The following ZCRB1 variants were observed in gnomAD, a reference collection of about 807,000 sequenced individuals.
ZCRB1 encodes the protein zinc finger CCHC-type and RNA binding motif containing 1.
A neutral mutation model predicts 29.9 loss-of-function variants in ZCRB1; 21 were observed. The observed-to-expected ratio is 0.70, with a 90% CI of 0.50 to 1.01. The LOEUF (loss-of-function observed/expected upper bound fraction) is 1.01. Ranked by LOEUF, ZCRB1 falls within the 50% of genes least tolerant of loss-of-function variation. ZCRB1 has a pLI of 0.00. For missense variants in ZCRB1, 204 were observed against 253.3 expected, an observed-to-expected ratio of 0.81 and a Z score of 1.32; for synonymous variants, 77 against 80.0, an observed-to-expected ratio of 0.96 and a Z score of 0.20.
In ZCRB1 at chr12:42,317,786, C is replaced by A; in HGVS notation, c.225+1G>T. 1 of 1,611,468 alleles carries A rather than the reference C, an allele frequency of 6.2e-7. No homozygotes were observed. The highest frequency in any genetic ancestry group is 8.5e-7 in the Non-Finnish European group (1 of 1,179,252). ...AACCTTGATGGAGATGAATAGCTTA[C>A]CTGTTTGTTGTTTATTGCCCTGGTA... On this transcript the variant is annotated splice_donor_variant, in intron 4 of 7. Transcript: ENST00000266529. LOFTEE classifies it high-confidence loss of function.
At position 42,322,522 on chromosome 12, in the gene ZCRB1, C is replaced by G; in HGVS notation, c.85-76G>C. On this transcript the variant is annotated intron_variant, in intron 2 of 7. Transcript: ENST00000266529. ...CAAATTTTTAGGTTGCAGACATTGA[C>G]CAAATTCTTTGTTACAGTTTATGAA... The G allele has an allele frequency of 3.8e-6, 5 of 1,332,720 alleles. No individual in the cohort carries two copies. The South Asian group carries it at 7.4e-5, about 20-fold the overall frequency. The allele number at this position is 1,332,720 out of a possible 1,614,324, so 82.6% of individuals were successfully genotyped here.
At chr12:42,319,865 T>C (rs1023820263) in intron 3 of ZCRB1, among the ~76,000 whole-genome samples, 1 of 152,188 alleles carries the variant, frequency 6.6e-6, no homozygotes, top group Non-Finnish European at 1.5e-5. Context: ...AAGAGTACAT[T>C]GTGTGTGTTC....
rs750402117 is a variant in ZCRB1 at position 42,317,414 on chromosome 12, T to C, written c.259A>G (p.Ile87Val). The change falls in exon 5 of 8, where the codon ATT (isoleucine) becomes GTT (valine). Residue 87 changes from isoleucine (I) to valine (V), a missense_variant. Coordinates refer to ENST00000266529, the MANE Select transcript of ZCRB1 (RefSeq NM_033114.4). ...FGRVIKASIAIDNGRAAEFIR... is the reference protein window; with the variant it reads ...FGRVIKASIAVDNGRAAEFIR... ...AACTCAGCTGCTCTTCCATTGTCAA[T>C]AGCAATGCTTGCTTTTATCACTCTA... 11 of 1,612,290 alleles carry C rather than the reference T, an allele frequency of 6.8e-6. No homozygotes were observed. The highest frequency in any genetic ancestry group is 2.2e-5 in the South Asian group (2 of 90,670).
intron 4 of ZCRB1, 148 bp downstream of exon 4, chr12:42,317,639 T>G (rs2068601133): frequency 1.3e-6 from 1 of 785,904 alleles, no homozygotes; most frequent in Non-Finnish European, 2.0e-6. Flanking sequence ...AACCCAGTAG[T>G]TTGACCTCTT....
chr12:42,320,353 G>A (rs1203254490), intron 3 of ZCRB1, among the ~76,000 whole-genome samples: 1 of 152,054 alleles, frequency 6.6e-6, no homozygotes, highest in Non-Finnish European at 1.5e-5. Flanking sequence ...TCTCAAATCT[G>A]ACCAGTCTCT....
chr12:42,315,928 G>C (rs2137528736), intron 5 of ZCRB1, among the ~76,000 whole-genome samples: 1 of 152,126 alleles, frequency 6.6e-6, no homozygotes, highest in African/African-American at 2.4e-5. Context: ...TGTTTATTTA[G>C]TTATCTTTTT....
At position 42,312,273 on chromosome 12, in the gene ZCRB1, C is replaced by T. The variant is rs1436505883; in HGVS notation, c.*794G>A. The T allele has an allele frequency of 3.3e-5, 5 of 151,880 alleles. No homozygotes were observed. Among genetic ancestry groups the T allele is most frequent in the Admixed American group, 6.6e-5 (1 of 15,248 alleles). 9.4% of individuals were successfully genotyped at this position (151,880 alleles called of 1,614,324 possible). On this transcript the variant is annotated 3_prime_UTR_variant, in exon 8 of 8. Coordinates refer to ENST00000266529, the MANE Select transcript of ZCRB1 (RefSeq NM_033114.4). ...GCTCTCTAATCCCATTACCATATACCCACCTGCAGACAGAATGGGAAGATT... is the reference window on the plus strand; with the variant it reads ...GCTCTCTAATCCCATTACCATATACTCACCTGCAGACAGAATGGGAAGATT...
intron 2 of ZCRB1, chr12:42,323,760 T>C: frequency 2.3e-6 from 1 of 437,440 alleles, no homozygotes; most frequent in East Asian, 4.1e-5. Context: ...GTCTCCCAGG[T>C]AGCTTGTAGA....
At chr12:42,313,648 G>A (rs1229817353) in intron 7 of ZCRB1, 42 bp downstream of exon 7, 2 of 1,597,298 alleles carry the variant, frequency 1.3e-6, no homozygotes, top group African/African-American at 1.3e-5. Context: ...TATAAACCAA[G>A]TCAACTATTG....
Position 42,312,337 on chromosome 12 carries a change from G to T in ZCRB1, c.*730C>A, listed in dbSNP as rs1242177156. ...AAAGACAATACATGGAAAAAAAATA[G>T]ACAATTATTAACTCTAGGAAAAAAC... On this transcript the variant is annotated 3_prime_UTR_variant, in exon 8 of 8. Transcript: ENST00000266529. 1 of 152,040 alleles carries T rather than the reference G, an allele frequency of 6.6e-6. No individual in the cohort carries two copies. The highest frequency in any genetic ancestry group is 1.5e-5 in the Non-Finnish European group (1 of 67,964). 9.4% of individuals were successfully genotyped at this position (152,040 alleles called of 1,614,324 possible). A position where few individuals can be genotyped will look rare whatever the true frequency, so the allele number is the denominator to read the frequency against.
intron 3 of ZCRB1, among the ~76,000 whole-genome samples, chr12:42,319,076 G>C (rs1044078774): frequency 5.3e-5 from 8 of 152,064 alleles, no homozygotes; most frequent in African/African-American, 1.9e-4. Context: ...TAAGGTAGTT[G>C]CTTTATGTTT....
chr12:42,325,450 C>A (rs1267329821), intron 1 of ZCRB1: 1 of 152,018 alleles, frequency 6.6e-6, no homozygotes, highest in Non-Finnish European at 1.5e-5. Flanking sequence ...AAGAGACAGA[C>A]CTGTAGGTAT....
chr12:42,313,473 A>C (rs2068579128), intron 7 of ZCRB1, among the ~76,000 whole-genome samples: 1 of 152,230 alleles, frequency 6.6e-6, no homozygotes, highest in African/African-American at 2.4e-5. Flanking sequence ...AAAAAAGATT[A>C]AGATAGTAAG....
chr12:42,313,875 TTTC>T lies in ZCRB1; in HGVS notation c.442_444del (p.Glu148del), dbSNP rs2068581005. On this transcript the variant is annotated inframe_deletion and splice_region_variant, in exon 6 of 8. Transcript: ENST00000266529. The stretch of plus-strand genomic sequence containing the variant: ...ATTTAGTAAGAATAATATACATACA[TTTC>T]TTCTTCTGGTTCAGGAGCTTTCTTT... 1 of 1,599,796 alleles carries T rather than the reference TTTC, an allele frequency of 6.3e-7. No individual in the cohort carries two copies. Among genetic ancestry groups the T allele is most frequent in the Admixed American group, 1.8e-5 (1 of 55,968 alleles).
chr12:42,313,899 T>TA lies in ZCRB1; in HGVS notation c.420_421insT (p.Lys141Ter), dbSNP rs1565691290. On this transcript the variant is annotated frameshift_variant, in exon 6 of 8. Transcript: ENST00000266529. LOFTEE classifies it high-confidence loss of function. ...ATTTCTTCTTCTGGTTCAGGAGCTT[T>TA]CTTTTTTTTCTTTTTTTCTTTCTTC... 2.5e-6 allele frequency: 4 copies of TA among 1,601,970 alleles called. No homozygotes were observed. The Admixed American group carries it at 7.0e-5, about 28-fold the overall frequency.
Position 42,317,901 on chromosome 12 carries a change from T to C in ZCRB1, c.114-3A>G, listed in dbSNP as rs1319615030. On this transcript the variant is annotated splice_region_variant and splice_polypyrimidine_tract_variant and intron_variant, in intron 3 of 7. Coordinates refer to ENST00000266529, the MANE Select transcript of ZCRB1 (RefSeq NM_033114.4). The stretch of plus-strand genomic sequence containing the variant: ...CTTTATCTTTCATGATGGTAACCCT[T>C]AAAGCATAAACAAAGAGTTAAAAAT... The C allele has an allele frequency of 6.2e-7, 1 of 1,605,468 alleles. No homozygotes were observed. The highest frequency in any genetic ancestry group is 8.5e-7 in the Non-Finnish European group (1 of 1,175,098).
chr12:42,322,500 A>G, intron 2 of ZCRB1, 54 bp from the exon 3 acceptor site: 1 of 1,420,386 alleles, frequency 7.0e-7, no homozygotes, highest in Non-Finnish European at 9.4e-7. Flanking sequence ...AAAACATCAA[A>G]TTTTTAGGTT....
intron 5 of ZCRB1, 54 bp from the exon 6 acceptor site, chr12:42,314,040 TA>T: frequency 6.5e-7 from 1 of 1,549,304 alleles, no homozygotes; most frequent in Non-Finnish European, 8.7e-7. Flanking sequence ...ATGTTATTTA[TA>T]AAAACTTGCC....
rs2068582035 is a variant in ZCRB1 at position 42,313,963 on chromosome 12, G to C, written c.357C>G (p.Ala119=). Residue 119 remains alanine, a synonymous_variant, in exon 6 of 8, where the codon GCC becomes GCG. Transcript: ENST00000266529. ...GTTCTCCGAGCATATTTTTCGGACAGGCATAACTTAAGTGTCCACTTTCCT... is the reference window on the plus strand; with the variant it reads ...GTTCTCCGAGCATATTTTTCGGACACGCATAACTTAAGTGTCCACTTTCCT... The part of the protein sequence containing the change: ...ECGESGHLSY[A]CPKNMLGERE... 6.3e-7 allele frequency: 1 copy of C among 1,598,712 alleles called. No homozygotes were observed. Among genetic ancestry groups the C allele is most frequent in the East Asian group, 2.2e-5 (1 of 44,750 alleles).
Sources: gnomAD v4.1 joint callset for allele counts (sites outside exome capture counted in the v4.1 genomes callset) on GRCh38, gnomAD v4.1.1 for gene constraint, MANE v1.5 for transcripts, NCBI Gene and HGNC (gene_info 2026-07-23, HGNC 2026-07-21) for gene names.